The following SPRR2G variants were observed in gnomAD, a reference collection of about 807,000 sequenced individuals.
SPRR2G encodes small proline rich protein 2G, also known as small proline-rich protein 2G.
In SPRR2G, 1 loss-of-function variant was observed where a neutral mutation model predicts 0.7. That is an observed-to-expected ratio of 1.49 (90% CI 0.53 to 7.06). SPRR2G has a LOEUF of 7.06. Among genes scored for constraint, SPRR2G ranks in the 30% most tolerant of loss-of-function variants. SPRR2G has a pLI of 0.14. For synonymous variants in SPRR2G, 38 were observed against 33.9 expected, an observed-to-expected ratio of 1.12 and a Z score of -0.42; for missense variants, 96 against 88.5, an observed-to-expected ratio of 1.09 and a Z score of -0.34.
the SPRR2G span, among the ~76,000 whole-genome samples, chr1:153,184,123 C>T: frequency 6.6e-6 from 1 of 152,130 alleles, no homozygotes; most frequent in African/African-American, 2.4e-5. Context: ...TTACTGTAGC[C>T]TTGTAGTATA....
intron 1 of SPRR2G, among the ~76,000 whole-genome samples, chr1:153,150,625 T>C (rs773187698): frequency 1.3e-5 from 2 of 152,206 alleles, no homozygotes; most frequent in Non-Finnish European, 2.9e-5. Context: ...CAGCATCTTG[T>C]GTCTCTCACT....
At chr1:153,167,733 T>C in the SPRR2G span, among the ~76,000 whole-genome samples, 1 of 152,178 alleles carries the variant, frequency 6.6e-6, no homozygotes, top group South Asian at 2.1e-4. Flanking sequence ...CCAAAATATG[T>C]AAACTTACAA....
At chr1:153,166,375 G>T in the SPRR2G span, among the ~76,000 whole-genome samples, 1 of 152,118 alleles carries the variant, frequency 6.6e-6, no homozygotes, top group Non-Finnish European at 1.5e-5. Flanking sequence ...TCTCCTACAT[G>T]GGCATTTAAC....
the SPRR2G span, among the ~76,000 whole-genome samples, chr1:153,172,758 C>T: frequency 6.6e-6 from 1 of 152,160 alleles, no homozygotes; most frequent in African/African-American, 2.4e-5. Context: ...TTTATGCCAC[C>T]TTAATCCTCT....
At chr1:153,158,058 A>G in the SPRR2G span, among the ~76,000 whole-genome samples, 5 of 152,168 alleles carry the variant, frequency 3.3e-5, no homozygotes, top group African/African-American at 1.2e-4. Context: ...GTGGGTACAC[A>G]GAGATAAGCC....
At chr1:153,157,090 T>C in the SPRR2G span, among the ~76,000 whole-genome samples, 3 of 152,182 alleles carry the variant, frequency 2.0e-5, no homozygotes, top group Non-Finnish European at 4.4e-5. Flanking sequence ...ACTGAATGCA[T>C]AGTACTTTGG....
chr1:153,186,546 T>C, the SPRR2G span, among the ~76,000 whole-genome samples: 3 of 151,890 alleles, frequency 2.0e-5, no homozygotes, highest in African/African-American at 4.8e-5. Flanking sequence ...TCCCTGCTCT[T>C]TTTTTTTCTA....
the SPRR2G span, among the ~76,000 whole-genome samples, chr1:153,182,278 GTTGT>G: frequency 3.9e-3 from 597 of 151,818 alleles, 8 homozygotes; most frequent in African/African-American, 0.013. Flanking sequence ...GTTTTTTGCT[GTTGT>G]TTGAGTTCCT....
the SPRR2G span, among the ~76,000 whole-genome samples, chr1:153,195,938 C>T: frequency 6.6e-5 from 10 of 152,150 alleles, no homozygotes; most frequent in African/African-American, 2.2e-4. Context: ...GTGAGTGACT[C>T]CTCCCAGGTC....
chr1:153,167,858 A>G, the SPRR2G span, among the ~76,000 whole-genome samples: 4 of 152,374 alleles, frequency 2.6e-5, no homozygotes, highest in African/African-American at 9.6e-5. Flanking sequence ...TTTTAAGAAG[A>G]TTCAACAAAA....
chr1:153,186,223 A>G, the SPRR2G span, among the ~76,000 whole-genome samples: 1 of 152,234 alleles, frequency 6.6e-6, no homozygotes, highest in African/African-American at 2.4e-5. Flanking sequence ...GTAGATGTCT[A>G]TTAGGTCTGC....
At chr1:153,162,644 G>A in the SPRR2G span, among the ~76,000 whole-genome samples, 7 of 152,096 alleles carry the variant, frequency 4.6e-5, no homozygotes, top group Non-Finnish European at 4.4e-5. Context: ...GTGAGGGGCC[G>A]CAGGGTCCTA....
the SPRR2G span, among the ~76,000 whole-genome samples, chr1:153,165,216 G>A: frequency 6.6e-6 from 1 of 151,936 alleles, no homozygotes; most frequent in South Asian, 2.1e-4. Flanking sequence ...ACGGATGGAT[G>A]GATCAGTTAA....
chr1:153,157,100 G>T, the SPRR2G span, among the ~76,000 whole-genome samples: 2 of 152,106 alleles, frequency 1.3e-5, no homozygotes, highest in African/African-American at 4.8e-5. Context: ...TAGTACTTTG[G>T]CACCATCATA....
the SPRR2G span, among the ~76,000 whole-genome samples, chr1:153,180,616 T>C: frequency 6.6e-6 from 1 of 152,328 alleles, no homozygotes; most frequent in African/African-American, 2.4e-5. Flanking sequence ...TACACACTTC[T>C]GTTAGGTACA....
the SPRR2G span, among the ~76,000 whole-genome samples, chr1:153,195,168 G>C: frequency 6.6e-6 from 1 of 152,214 alleles, no homozygotes; most frequent in Middle Eastern, 3.4e-3. Context: ...CAAAGCCAAA[G>C]AGGCTCTTCT....
the SPRR2G span, among the ~76,000 whole-genome samples, chr1:153,193,749 G>C: frequency 6.6e-6 from 1 of 152,110 alleles, no homozygotes; most frequent in Non-Finnish European, 1.5e-5. Context: ...CAGACACCAG[G>C]AAGTCCCAAA....
the SPRR2G span, among the ~76,000 whole-genome samples, chr1:153,202,670 C>T: frequency 2.2e-4 from 33 of 152,136 alleles, no homozygotes; most frequent in South Asian, 4.1e-4. Context: ...CAGTCTCATT[C>T]GACTTTTACT....
chr1:153,155,876 T>G (rs1191895203), upstream of SPRR2G, among the ~76,000 whole-genome samples: 1 of 152,216 alleles, frequency 6.6e-6, no homozygotes, highest in East Asian at 1.9e-4. Context: ...CCTGGATCCC[T>G]CCTATTAGGG....
Sources: allele counts gnomAD v4.1 joint callset (sites outside exome capture counted in the v4.1 genomes callset), GRCh38; gene constraint gnomAD v4.1.1; transcripts MANE v1.5; gene names NCBI Gene and HGNC (gene_info 2026-07-23, HGNC 2026-07-21).